The following SCEL variants were observed in gnomAD, a reference collection of about 807,000 sequenced individuals.
SCEL encodes the protein sciellin.
A neutral mutation model predicts 117.6 loss-of-function variants in SCEL; 113 were observed. The observed-to-expected ratio is 0.96, with a 90% CI of 0.83 to 1.12. SCEL has a LOEUF of 1.12. Ranked by LOEUF, SCEL falls within the 50% of genes most tolerant of loss-of-function variation. The pLI, the probability that SCEL is intolerant of heterozygous loss-of-function variation, is 0.00. For synonymous variants in SCEL, 270 were observed against 256.2 expected (o/e 1.05, Z -0.51); for missense variants, 785 against 810.8 (o/e 0.97, Z 0.39).
intron 1 of SCEL, among the ~76,000 whole-genome samples, chr13:77,539,916 A>G (rs2083610909): frequency 6.6e-6 from 1 of 152,200 alleles, no homozygotes; most frequent in Non-Finnish European, 1.5e-5. Context: ...AAGGAAGTTA[A>G]TGAAGGGTGC....
chr13:77,599,255 T>C (rs1342519408), intron 13 of SCEL, 74 bp from the exon 14 acceptor site: 1 of 1,005,594 alleles, frequency 9.9e-7, no homozygotes, highest in African/African-American at 1.6e-5. Context: ...AGATGTAAAC[T>C]GGTCTATGTT....
At chr13:77,618,838 C>T (rs929786293) in intron 27 of SCEL, among the ~76,000 whole-genome samples, 1 of 152,126 alleles carries the variant, frequency 6.6e-6, no homozygotes, top group African/African-American at 2.4e-5. Flanking sequence ...GAATGCATGT[C>T]TGTAGAACAT....
intron 15 of SCEL, chr13:77,600,158 C>G (rs568241109): frequency 6.3e-6 from 1 of 158,576 alleles, no homozygotes; most frequent in African/African-American, 2.4e-5. Context: ...CTCTCTTTTT[C>G]TTTTCTTTAA....
chr13:77,623,467 C>A (rs1413007959), intron 27 of SCEL: 1 of 151,920 alleles, frequency 6.6e-6, no homozygotes, highest in African/African-American at 2.4e-5. Context: ...ACTTGACTAG[C>A]CTTAAATAAA....
intron 1 of SCEL, among the ~76,000 whole-genome samples, chr13:77,546,164 G>A (rs1363876844): frequency 6.6e-6 from 1 of 152,186 alleles, no homozygotes; most frequent in Non-Finnish European, 1.5e-5. Flanking sequence ...TTGAGGCTGA[G>A]CTATCAGGAA....
Position 77,642,754 on chromosome 13 carries a change from A to G in SCEL, c.1996A>G (p.Ile666Val). Residue 666 changes from isoleucine (I) to valine (V), a missense_variant, in exon 32 of 33, where the codon ATT becomes GTT. Ile to Val is a conservative substitution (Grantham distance 29). Coordinates refer to ENST00000349847, the MANE Select transcript of SCEL (RefSeq NM_144777.3). Reference protein sequence around the residue: ...PLENLQAGDSIWIYRQTIHCE... With the variant: ...PLENLQAGDSVWIYRQTIHCE... ...GGAAAATCTACAAGCGGGTGATAGTATTTGGATTTATAGACAGACAATACA... is the reference window on the plus strand; with the variant it reads ...GGAAAATCTACAAGCGGGTGATAGTGTTTGGATTTATAGACAGACAATACA... 6.2e-7 allele frequency: 1 copy of G among 1,607,624 alleles called. No homozygotes were observed. Among genetic ancestry groups the G allele is most frequent in the Non-Finnish European group, 8.5e-7 (1 of 1,176,466 alleles).
chr13:77,569,583 G>A, intron 8 of SCEL, 132 bp downstream of exon 8: 1 of 607,226 alleles, frequency 1.6e-6, no homozygotes, highest in East Asian at 2.9e-5. Flanking sequence ...CTTTCCCCCA[G>A]CAATCTCTTT....
At chr13:77,636,669 A>G (rs57175569) in intron 29 of SCEL, among the ~76,000 whole-genome samples, 6,147 of 152,288 alleles carry the variant, frequency 0.04, 401 homozygotes, top group African/African-American at 0.14. Context: ...TTTCTTGGAT[A>G]TATTCAAGTA....
intron 1 of SCEL, among the ~76,000 whole-genome samples, chr13:77,539,332 TCA>T (rs1259318714): frequency 1.3e-5 from 2 of 151,338 alleles, no homozygotes; most frequent in Non-Finnish European, 2.9e-5. Context: ...AAAATATGAC[TCA>T]CAATAGCACA....
At chr13:77,564,005 C>T in intron 5 of SCEL, 106 bp downstream of exon 5, 1 of 719,306 alleles carries the variant, frequency 1.4e-6, no homozygotes, top group Non-Finnish European at 2.1e-6. Flanking sequence ...GTTTGAATCA[C>T]TGATATTTTA....
At chr13:77,596,734 G>C (rs1218537674) in intron 12 of SCEL, among the ~76,000 whole-genome samples, 2 of 148,898 alleles carry the variant, frequency 1.3e-5, no homozygotes, top group African/African-American at 2.4e-5. Flanking sequence ...GTCGGGGGTA[G>C]GTCATGAATA....
rs1156425669 is a variant in SCEL, at chr13:77,582,679, A to G, written c.546-6465A>G. On this transcript the variant is annotated intron_variant, in intron 9 of 32. Coordinates refer to ENST00000349847, the MANE Select transcript of SCEL (RefSeq NM_144777.3). Reference sequence around the variant, plus strand: ...TTTCCAGTGTGTGGCTTGTTTTTCAATTCTCTTAACGATGCACTTTTGAGA... The same window carrying G: ...TTTCCAGTGTGTGGCTTGTTTTTCAGTTCTCTTAACGATGCACTTTTGAGA... Among the ~76,000 whole-genome samples, 13 of 152,258 alleles carry G rather than the reference A, an allele frequency of 8.5e-5. No homozygotes were observed. The East Asian group carries it at 2.3e-3, about 27-fold the overall frequency.
intron 24 of SCEL, among the ~76,000 whole-genome samples, chr13:77,617,260 C>G (rs1364467531): frequency 1.3e-5 from 2 of 151,944 alleles, no homozygotes; most frequent in African/African-American, 4.8e-5. Flanking sequence ...AGTTGGTGAA[C>G]CTGATTTTAA....
chr13:77,644,567 T>C lies in SCEL; in HGVS notation c.*293T>C, dbSNP rs183877986. The C allele has an allele frequency of 8.1e-5, 21 of 259,550 alleles. No homozygotes were observed. The highest frequency in any genetic ancestry group is 1.5e-4 in the Non-Finnish European group (20 of 137,120). The allele number at this position is 259,550 out of a possible 1,614,324, so 16.1% of individuals were successfully genotyped here. A position where few individuals can be genotyped will look rare whatever the true frequency, so the allele number is the denominator to read the frequency against. ...CAGCCAGGTCCATCCCTGCTCCGTA[T>C]GTTGGCTGTGAGTGGTGGTTTCCAT... On this transcript the variant is annotated 3_prime_UTR_variant, in exon 33 of 33. Coordinates refer to ENST00000349847, the MANE Select transcript of SCEL (RefSeq NM_144777.3).
rs889910858 is a variant in SCEL at position 77,645,065 on chromosome 13, A to G, written c.*791A>G. 1.4e-5 allele frequency: 2 copies of G among 146,728 alleles called. No homozygotes were observed. Among genetic ancestry groups the G allele is most frequent in the East Asian group, 4.3e-4 (2 of 4,610 alleles). 9.1% of individuals were successfully genotyped at this position (146,728 alleles called of 1,614,324 possible). ...ATTGATGGGTAACAGGTAAAATATG[A>G]CATGTATAGCTTACATGTTATTATT... is the stretch of plus-strand genomic sequence containing the variant. On this transcript the variant is annotated 3_prime_UTR_variant, in exon 33 of 33. Transcript: ENST00000349847.
chr13:77,606,373 T>C (rs2088189671), intron 19 of SCEL: 1 of 152,210 alleles, frequency 6.6e-6, no homozygotes, highest in South Asian at 2.1e-4. Flanking sequence ...TTAAATAACC[T>C]TATTTTATTA....
At chr13:77,630,679 T>C (rs1567441036) in intron 28 of SCEL, among the ~76,000 whole-genome samples, 1 of 152,238 alleles carries the variant, frequency 6.6e-6, no homozygotes, top group Non-Finnish European at 1.5e-5. Context: ...AGGTAAATTT[T>C]CAAGGTGAAT....
At chr13:77,562,899 C>G (rs1223483426) in intron 4 of SCEL, among the ~76,000 whole-genome samples, 1 of 152,162 alleles carries the variant, frequency 6.6e-6, no homozygotes, top group Non-Finnish European at 1.5e-5. Flanking sequence ...TATTCTAATG[C>G]AATACTTTGG....
At chr13:77,559,567 C>T (rs1184487808) in intron 3 of SCEL, among the ~76,000 whole-genome samples, 1 of 151,836 alleles carries the variant, frequency 6.6e-6, no homozygotes, top group Non-Finnish European at 1.5e-5. Context: ...ATTGTTGAAT[C>T]ATGTGGAAAC....
Sources: gnomAD v4.1 joint callset for allele counts (sites outside exome capture counted in the v4.1 genomes callset) on GRCh38, gnomAD v4.1.1 for gene constraint, MANE v1.5 for transcripts, NCBI Gene and HGNC (gene_info 2026-07-23, HGNC 2026-07-21) for gene names.